Variants in CSMD2 observed in about 807,000 individuals in gnomAD.
CSMD2 encodes CUB and sushi domain-containing protein 2.
CSMD2 carries 130 observed loss-of-function variants against 398.5 expected under a neutral mutation model. That is an observed-to-expected ratio of 0.33 (90% confidence interval 0.28 to 0.38). The LOEUF (loss-of-function observed/expected upper bound fraction) is 0.38. Among genes scored for constraint, CSMD2 ranks in the 10% least tolerant of loss-of-function variants. The pLI is 1.00. For synonymous variants in CSMD2, 1,828 were observed against 1,908.5 expected, an observed-to-expected ratio of 0.96 and a Z score of 1.10; for missense variants, 3,829 against 4,764.9, an observed-to-expected ratio of 0.80 and a Z score of 5.78.
chr1:33,546,373 A>T (rs992138559), intron 56 of CSMD2, among the ~76,000 whole-genome samples, 154 bp from the exon 57 acceptor site: 4 of 152,202 alleles, frequency 2.6e-5, no homozygotes, highest in Non-Finnish European at 5.9e-5. Context: ...TCCTGCCTCC[A>T]TATGCAATGG....
chr1:33,529,221 A>T (rs1290868631), intron 64 of CSMD2, among the ~76,000 whole-genome samples: 1 of 152,154 alleles, frequency 6.6e-6, no homozygotes, highest in Non-Finnish European at 1.5e-5. Context: ...GCTCACTGTA[A>T]CCTCCAAATC....
chr1:33,920,170 G>A (rs1464571837), intron 4 of CSMD2, among the ~76,000 whole-genome samples: 1 of 152,052 alleles, frequency 6.6e-6, no homozygotes, highest in African/African-American at 2.4e-5. Context: ...GAGCATTCAC[G>A]GAAGATAGAG....
At position 33,874,724 on chromosome 1, in the gene CSMD2, C is replaced by G. The variant is rs538388257; in HGVS notation, c.921-27728G>C. Among the ~76,000 whole-genome samples, 3 of 152,286 alleles carry G rather than the reference C, an allele frequency of 2.0e-5. No individual in the cohort carries two copies. In the South Asian group the frequency reaches 6.2e-4, roughly 32 times the overall value. On this transcript the variant is annotated intron_variant, in intron 5 of 70. Transcript: ENST00000373381. ...AACCACACCTCCAGCTCTTCGCCCA[C>G]AGCTGTGCCTCTGGCTCCCAGACAG... is the stretch of plus-strand genomic sequence containing the variant.
Position 34,012,305 on chromosome 1 carries a change from C to T in CSMD2, c.517+20289G>A, listed in dbSNP as rs1053048247. On this transcript the variant is annotated intron_variant, in intron 3 of 70. Coordinates refer to ENST00000373381, the MANE Select transcript of CSMD2 (RefSeq NM_001281956.2). ...CCTCTTTCACCTCTTCACACAAATA[C>T]CACCTTCTCAAGGTCTTCCCAAACT... is the stretch of plus-strand genomic sequence containing the variant. 2.2e-4 allele frequency among the ~76,000 whole-genome samples: 34 copies of T among 152,276 alleles called. 1 individual carries two copies. The highest frequency in any genetic ancestry group is 2.0e-3 in the Admixed American group (30 of 15,286).
In CSMD2 at chr1:33,623,350, C is replaced by T. The variant is rs1376510664; in HGVS notation, c.5722+20G>A. ...TCTAGTACTACCCTCCAAATTGAAG[C>T]CCCTGGAAACCCAGCTTACCTGAGA... On this transcript the variant is annotated intron_variant, in intron 36 of 70. Transcript: ENST00000373381. The T allele has an allele frequency of 6.3e-7, 1 of 1,575,874 alleles. No homozygotes were observed. The highest frequency in any genetic ancestry group is 1.7e-5 in the Admixed American group (1 of 59,900).
chr1:33,864,469 C>G (rs144223004), intron 5 of CSMD2: 2 of 1,613,382 alleles, frequency 1.2e-6, no homozygotes, highest in Non-Finnish European at 1.7e-6. Context: ...CCCCAGGAAC[C>G]CAGACGGCCT....
intron 3 of CSMD2, among the ~76,000 whole-genome samples, chr1:33,944,582 T>A (rs1286596452): frequency 6.6e-6 from 1 of 152,024 alleles, no homozygotes; most frequent in Non-Finnish European, 1.5e-5. Flanking sequence ...AAAGAGAGAG[T>A]TGAATTTAGA....
At chr1:34,008,366 G>A (rs1162644403) in intron 3 of CSMD2, among the ~76,000 whole-genome samples, 2 of 152,158 alleles carry the variant, frequency 1.3e-5, no homozygotes, top group Non-Finnish European at 2.9e-5. Flanking sequence ...CTTTAACATC[G>A]GGTTTTCCAA....
intron 44 of CSMD2, among the ~76,000 whole-genome samples, chr1:33,593,958 C>A (rs1346242499): frequency 2.0e-5 from 3 of 152,262 alleles, no homozygotes; most frequent in East Asian, 3.9e-4. Flanking sequence ...TCAAAGTCAA[C>A]AATTGGATAA....
intron 2 of CSMD2, among the ~76,000 whole-genome samples, chr1:34,067,112 T>C (rs1353024245): frequency 6.6e-6 from 1 of 152,132 alleles, no homozygotes; most frequent in Non-Finnish European, 1.5e-5. Flanking sequence ...CATTGAGGGA[T>C]GGACTCCAGA....
chr1:33,709,848 C>T (rs1433017399), intron 21 of CSMD2, among the ~76,000 whole-genome samples: 1 of 152,138 alleles, frequency 6.6e-6, no homozygotes, highest in African/African-American at 2.4e-5. Context: ...ACCAGGTACT[C>T]AACCACTGAG....
chr1:33,527,224 G>T lies in CSMD2; in HGVS notation c.10206C>A (p.Ala3402=). The T allele has an allele frequency of 6.2e-7, 1 of 1,614,064 alleles. No individual in the cohort carries two copies. Among genetic ancestry groups the T allele is most frequent in the African/African-American group, 1.3e-5 (1 of 75,028 alleles). The change falls in exon 65 of 71, where the codon GCC becomes GCA. Residue 3402 remains alanine, a synonymous_variant. Transcript: ENST00000373381. The part of the protein sequence containing the change: ...VRPSGRPINT[A]REPPLTQALI... ...AGGCTTGGGTGAGCGGTGGCTCCCG[G>T]GCAGTGTTGATGGGTCTCCCACTGG...
In CSMD2 at chr1:33,633,459, G is replaced by A. The variant is rs1392951573; in HGVS notation, c.5163C>T (p.His1721=). ...VVEVHDGHSQ[H]SRLLSSLSGS... is the part of the protein sequence containing the mutation. ...CCGAGAGGGAGCTGAGGAGCCGCGA[G>A]TGCTGGCTGTGGCCGTCGTGAACCT... The change falls in exon 32 of 71, where the codon CAC becomes CAT. Residue 1721 remains histidine, a synonymous_variant. Transcript: ENST00000373381. The surrounding 1 kb of genome is among the most constrained non-coding windows in gnomAD (Gnocchi z 5.0). The A allele has an allele frequency of 3.9e-6, 6 of 1,554,246 alleles. 1 individual carries two copies. The Admixed American group carries it at 1.2e-4, about 30-fold the overall frequency.
intron 2 of CSMD2, among the ~76,000 whole-genome samples, chr1:34,081,873 G>A (rs538794237): frequency 2.1e-4 from 32 of 151,854 alleles, no homozygotes; most frequent in African/African-American, 7.5e-4. Context: ...CGTCTGGGAT[G>A]TGAGGAGCCC....
intron 3 of CSMD2, among the ~76,000 whole-genome samples, chr1:34,009,804 A>G (rs994323531): frequency 2.6e-5 from 4 of 152,178 alleles, no homozygotes; most frequent in South Asian, 4.2e-4. Context: ...ATAAAATATT[A>G]ACTCCTGCTG....
At position 33,853,775 on chromosome 1, in the gene CSMD2, G is replaced by A. The variant is rs187547857; in HGVS notation, c.921-6779C>T. Among the ~76,000 whole-genome samples, 20 of 152,220 alleles carry A rather than the reference G, an allele frequency of 1.3e-4. No homozygotes were observed. The East Asian group carries it at 3.9e-3, about 29-fold the overall frequency. On this transcript the variant is annotated intron_variant, in intron 5 of 70. Coordinates refer to ENST00000373381, the MANE Select transcript of CSMD2 (RefSeq NM_001281956.2). The stretch of plus-strand genomic sequence containing the variant: ...TGGCTTCTTTGGGGGAGGCAGGGTG[G>A]GTTAAGAACACTTTTATTGGACATG...
chr1:33,587,234 T>C lies in CSMD2; in HGVS notation c.6857-66A>G, dbSNP rs1057419100. 9.3e-6 allele frequency: 11 copies of C among 1,178,116 alleles called. No individual in the cohort carries two copies. In the South Asian group the frequency reaches 1.6e-4, roughly 17 times the overall value. The allele number at this position is 1,178,116 out of a possible 1,614,324, so 73.0% of individuals were successfully genotyped here. ...TTCTCCAGGTACACCGTCATTCATT[T>C]GTTCAATTCTTCACTTTCTCATCCC... On this transcript the variant is annotated intron_variant, in intron 44 of 70. Transcript: ENST00000373381.
At chr1:33,772,850 T>A in intron 12 of CSMD2, 99 bp from the exon 13 acceptor site, 1 of 1,001,018 alleles carries the variant, frequency 1.0e-6, no homozygotes, top group Non-Finnish European at 1.5e-6. Context: ...TCTTCTGCCA[T>A]AAGTCAGTGC....
At chr1:33,535,081 T>A (rs1655638112) in intron 62 of CSMD2, among the ~76,000 whole-genome samples, 1 of 152,230 alleles carries the variant, frequency 6.6e-6, no homozygotes, top group Admixed American at 6.5e-5. Flanking sequence ...AAAATACTTA[T>A]CATGGCTTCA....
Sources: gnomAD v4.1 joint callset for allele counts (sites outside exome capture counted in the v4.1 genomes callset) on GRCh38, gnomAD v4.1.1 for gene constraint, Gnocchi (gnomAD v3.1) non-coding constraint, MANE v1.5 for transcripts, NCBI Gene and HGNC (gene_info 2026-07-23, HGNC 2026-07-21) for gene names.